Variants in E2F4 observed in about 807,000 individuals in gnomAD.
The protein encoded by E2F4 is E2F transcription factor 4, also known as transcription factor E2F4.
E2F4 carries 16 observed loss-of-function variants against 44.5 expected under a neutral mutation model. The ratio of observed to expected loss-of-function variants is 0.36; its 90% CI spans 0.24 to 0.55. The LOEUF is 0.55. E2F4 is among the 20% of genes least tolerant of loss of function. The pLI is 0.87. For synonymous variants in E2F4, 242 were observed against 207.2 expected (o/e 1.17, Z -1.44); for missense variants, 473 against 522.1 (o/e 0.91, Z 0.92).
At chr16:67,193,968 T>G in intron 4 of E2F4, 1 of 237,134 alleles carries the variant, frequency 4.2e-6, no homozygotes, top group Non-Finnish European at 8.3e-6. Flanking sequence ...CAGGCTGGTC[T>G]TGAACTCCTG....
At chr16:67,195,583 T>G (rs3730403) in intron 6 of E2F4, 199 bp from the exon 7 acceptor site, 45,159 of 1,169,932 alleles carry the variant, frequency 0.039, 1,645 homozygotes, top group African/African-American at 0.18. Context: ...ACCACGAGTC[T>G]TCTTCTGTAG....
Position 67,194,885 on chromosome 16 carries a change from A to C in E2F4, c.713A>C (p.Glu238Ala). The C allele has an allele frequency of 6.2e-7, 1 of 1,614,150 alleles. No homozygotes were observed. The highest frequency in any genetic ancestry group is 8.5e-7 in the Non-Finnish European group (1 of 1,180,012). ...AAGCCTGCCCTAGCCCAGTCCCAGG[A>C]AGCCTCACGTCCAAATAGTCCTCAG... The part of the protein sequence containing the change: ...LPKPALAQSQ[E>A]ASRPNSPQLT... The change falls in exon 6 of 10, where the codon GAA (glutamate) becomes GCA (alanine). Residue 238 changes from glutamate (E) to alanine (A), a missense_variant. Physicochemically the swap from Glu to Ala is moderately radical, Grantham distance 107. This residue lies in a region of E2F4 where 314 missense variants were observed against 315.6 expected (regional missense o/e 0.99). Coordinates refer to ENST00000379378, the MANE Select transcript of E2F4 (RefSeq NM_001950.4).
chr16:67,192,413 G>A, intron 1 of E2F4, 51 bp downstream of exon 1: 1 of 1,414,510 alleles, frequency 7.1e-7, no homozygotes, highest in Non-Finnish European at 9.2e-7. Context: ...CCAGGCCTGG[G>A]CCGGTAGCGG....
At chr16:67,195,532 C>G (rs978062319) in intron 6 of E2F4, 2 of 715,092 alleles carry the variant, frequency 2.8e-6, no homozygotes, top group African/African-American at 3.6e-5. Context: ...CTCAATTGCC[C>G]TGGTAGCCCG....
chr16:67,195,817 G>C lies in E2F4; in HGVS notation c.844G>C (p.Gly282Arg). The C allele has an allele frequency of 6.2e-7, 1 of 1,614,108 alleles. No homozygotes were observed. Among genetic ancestry groups the C allele is most frequent in the East Asian group, 2.2e-5 (1 of 44,886 alleles). Residue 282 changes from glycine (G) to arginine (R), a missense_variant, in exon 7 of 10, where the codon GGT (glycine) becomes CGT (arginine). Coordinates refer to ENST00000379378, the MANE Select transcript of E2F4 (RefSeq NM_001950.4). ...GGPGTDSKDS[G>R]ELSSLPLGPT... is the part of the protein sequence containing the mutation. Reference sequence around the variant, plus strand: ...CCCTGGGACTGATAGCAAGGACAGTGGTGAGCTCAGTTCACTCCCACTGGG... The same window carrying C: ...CCCTGGGACTGATAGCAAGGACAGTCGTGAGCTCAGTTCACTCCCACTGGG...
In E2F4 at chr16:67,198,380, C is replaced by A; in HGVS notation, c.*257C>A. On this transcript the variant is annotated 3_prime_UTR_variant, in exon 10 of 10. Transcript: ENST00000379378. Reference sequence around the variant, plus strand: ...TGCTTCTCCCTTTCTGCGGCCTTCGCCAGCCCAGGCTCGGCTGCCACCCAG... The same window carrying A: ...TGCTTCTCCCTTTCTGCGGCCTTCGACAGCCCAGGCTCGGCTGCCACCCAG... 1 of 479,684 alleles carries A rather than the reference C, an allele frequency of 2.1e-6. No homozygotes were observed. The highest frequency in any genetic ancestry group is 3.8e-6 in the Non-Finnish European group (1 of 262,208). The allele number at this position is 479,684 out of a possible 1,614,324, so 29.7% of individuals were successfully genotyped here.
rs1244184786 is a variant in E2F4 at position 67,195,621 on chromosome 16, C to T, written c.809-161C>T. The T allele has an allele frequency of 2.1e-6, 3 of 1,440,444 alleles. No homozygotes were observed. The African/African-American group carries it at 4.3e-5, about 20-fold the overall frequency. 89.2% of individuals were successfully genotyped at this position (1,440,444 alleles called of 1,614,324 possible). On this transcript the variant is annotated intron_variant, in intron 6 of 9. Transcript: ENST00000379378. ...CTTGTGTCCCTGTCTCCTGTGGTGACTAATTTCAGGTTACTTCCTCTGGGG... is the reference window on the plus strand; with the variant it reads ...CTTGTGTCCCTGTCTCCTGTGGTGATTAATTTCAGGTTACTTCCTCTGGGG...
chr16:67,194,773 A>C lies in E2F4; in HGVS notation c.601A>C (p.Ser201Arg), dbSNP rs755307028. The C allele has an allele frequency of 1.2e-6, 2 of 1,614,090 alleles. No individual in the cohort carries two copies. Among genetic ancestry groups the C allele is most frequent in the South Asian group, 1.1e-5 (1 of 91,084 alleles). Residue 201 changes from serine to arginine, a missense_variant, in exon 6 of 10, where the codon AGC becomes CGC. Coordinates refer to ENST00000379378, the MANE Select transcript of E2F4 (RefSeq NM_001950.4). ...TCTGCTGGTGAACAAGGAGGCATGG[A>C]GCTCACCCCCTGTGGCTGTGCCTGT... is the stretch of plus-strand genomic sequence containing the variant. ...EVLLVNKEAW[S>R]SPPVAVPVPP...
intron 6 of E2F4, among the ~76,000 whole-genome samples, 184 bp downstream of exon 6, chr16:67,195,164 A>G (rs565591674): frequency 2.0e-5 from 3 of 152,314 alleles, no homozygotes; most frequent in South Asian, 4.1e-4. Flanking sequence ...ACGGAGTCTC[A>G]CTGTGTCCCC....
In E2F4 at chr16:67,192,813, A is replaced by G. The variant is rs1244930541; in HGVS notation, c.188A>G (p.Asn63Ser). 3.1e-6 allele frequency: 5 copies of G among 1,613,004 alleles called. No homozygotes were observed. Among genetic ancestry groups the G allele is most frequent in the Non-Finnish European group, 4.2e-6 (5 of 1,179,578 alleles). Residue 63 changes from asparagine to serine, a missense_variant, in exon 2 of 10, where the codon AAT becomes AGT. Physicochemically the swap from Asn to Ser is conservative, Grantham distance 46. This residue lies in a region of E2F4 where 119 missense variants were observed against 175.6 expected (regional missense o/e 0.68). Transcript: ENST00000379378. ...AAGCGGCGGATTTACGACATTACCA[A>G]TGTTTTGGAAGGTATCGGGCTAATC... ...RQKRRIYDIT[N>S]VLEGIGLIEK...
chr16:67,197,805 G>A, intron 8 of E2F4, 62 bp from the exon 9 acceptor site: 2 of 1,612,096 alleles, frequency 1.2e-6, no homozygotes, highest in Non-Finnish European at 1.7e-6. Flanking sequence ...CCCTTTCCTG[G>A]GCTTTGGTGG....
At chr16:67,195,322 G>T (rs540819469) in intron 6 of E2F4, among the ~76,000 whole-genome samples, 1 of 152,206 alleles carries the variant, frequency 6.6e-6, no homozygotes, top group African/African-American at 2.4e-5. Context: ...AATAGAGATG[G>T]GGTTTCACCA....
At chr16:67,196,699 G>A (rs1232399617) in intron 7 of E2F4, among the ~76,000 whole-genome samples, 9 of 152,158 alleles carry the variant, frequency 5.9e-5, no homozygotes, top group Admixed American at 1.3e-4. Context: ...GCCGTCCTGT[G>A]TACATCCAAT....
chr16:67,198,905 C>G lies in E2F4; in HGVS notation c.*782C>G. 1.8e-6 allele frequency: 1 copy of G among 550,498 alleles called. No homozygotes were observed. Among genetic ancestry groups the G allele is most frequent in the Non-Finnish European group, 3.2e-6 (1 of 309,620 alleles). 34.1% of individuals were successfully genotyped at this position (550,498 alleles called of 1,614,324 possible). On this transcript the variant is annotated 3_prime_UTR_variant, in exon 10 of 10. Transcript: ENST00000379378. ...GTACAGTGTTCAAGTGAATAAAAAC[C>G]ATGCCTAAGGCTAGCTCTGATGTGG...
intron 4 of E2F4, chr16:67,194,047 G>A (rs941887831): frequency 1.1e-5 from 3 of 285,250 alleles, no homozygotes; most frequent in East Asian, 1.5e-4. Flanking sequence ...ACTGTGCCCC[G>A]CTGATGTGTT....
Position 67,192,271 on chromosome 16 carries a change from C to G in E2F4, c.44C>G (p.Pro15Arg). The G allele has an allele frequency of 2.3e-6, 3 of 1,324,892 alleles. No individual in the cohort carries two copies. The highest frequency in any genetic ancestry group is 2.9e-6 in the Non-Finnish European group (3 of 1,033,432). The allele number at this position is 1,324,892 out of a possible 1,614,324, so 82.1% of individuals were successfully genotyped here. A position where few individuals can be genotyped will look rare whatever the true frequency, so the allele number is the denominator to read the frequency against. Residue 15 changes from proline (P) to arginine (R), a missense_variant, in exon 1 of 10, where the codon CCA (proline) becomes CGA (arginine). Pro to Arg is a moderately radical substitution (Grantham distance 103). This residue lies in a region of E2F4 where 40 missense variants were observed against 30.8 expected (regional missense o/e 1.30). Coordinates refer to ENST00000379378, the MANE Select transcript of E2F4 (RefSeq NM_001950.4). ...CAGGCGCCGCCGCCCCCGGGCACTC[C>G]AAGCCGGCACGAAAAGAGCCTGGGA... ...GPQAPPPPGT[P>R]SRHEKSLGLL...
chr16:67,194,436 A>T lies in E2F4; in HGVS notation c.490A>T (p.Ser164Cys), dbSNP rs749411097. Residue 164 changes from serine to cysteine, a missense_variant, in exon 5 of 10, where the codon AGC (serine) becomes TGC (cysteine). Transcript: ENST00000379378. ...LLAIRAPSGT[S>C]LEVPIPEGLN... Reference sequence around the variant, plus strand: ...GGCCATCCGGGCCCCATCAGGCACCAGCCTGGAGGTGCCCATCCCAGAGGT... The same window carrying T: ...GGCCATCCGGGCCCCATCAGGCACCTGCCTGGAGGTGCCCATCCCAGAGGT... 1.2e-6 allele frequency: 2 copies of T among 1,614,110 alleles called. No individual in the cohort carries two copies. Among genetic ancestry groups the T allele is most frequent in the South Asian group, 1.1e-5 (1 of 91,090 alleles).
rs1394596724 is a variant in E2F4 at position 67,192,172 on chromosome 16, T to TGGCGGC, written c.-51_-46dup. On this transcript the variant is annotated 5_prime_UTR_variant, in exon 1 of 10. Coordinates refer to ENST00000379378, the MANE Select transcript of E2F4 (RefSeq NM_001950.4). The stretch of plus-strand genomic sequence containing the variant: ...CGGCGGCCAGGAACGGAAGCGGAAG[T>TGGCGGC]GGCGGCGGCGCCGGCCTGGCCTGGC... 3 of 1,129,740 alleles carry TGGCGGC rather than the reference T, an allele frequency of 2.7e-6. No individual in the cohort carries two copies. Among genetic ancestry groups the TGGCGGC allele is most frequent in the Non-Finnish European group, 3.3e-6 (3 of 922,966 alleles). 70.0% of individuals were successfully genotyped at this position (1,129,740 alleles called of 1,614,324 possible). A position where few individuals can be genotyped will look rare whatever the true frequency, so the allele number is the denominator to read the frequency against.
rs943227459 is a variant in E2F4, at chr16:67,194,311, C to G, written c.452-87C>G. Reference sequence around the variant, plus strand: ...TGTCTAGTTCCTCAGGGACCGTGATCTCCTGCCTTGCTCCAAAAGGCAGGC... The same window carrying G: ...TGTCTAGTTCCTCAGGGACCGTGATGTCCTGCCTTGCTCCAAAAGGCAGGC... On this transcript the variant is annotated intron_variant, in intron 4 of 9. Coordinates refer to ENST00000379378, the MANE Select transcript of E2F4 (RefSeq NM_001950.4). The G allele has an allele frequency of 2.1e-6, 3 of 1,453,980 alleles. No individual in the cohort carries two copies. The African/African-American group carries it at 4.2e-5, about 20-fold the overall frequency. The allele number at this position is 1,453,980 out of a possible 1,614,324, so 90.1% of individuals were successfully genotyped here. A position where few individuals can be genotyped will look rare whatever the true frequency, so the allele number is the denominator to read the frequency against.
Sources: allele counts gnomAD v4.1 joint callset (sites outside exome capture counted in the v4.1 genomes callset), GRCh38; gene constraint gnomAD v4.1.1; regional missense constraint gnomAD v4.1.1; transcripts MANE v1.5; gene names NCBI Gene and HGNC (gene_info 2026-07-23, HGNC 2026-07-21).